The following ZMYND11 variants were observed in gnomAD, a reference collection of about 807,000 sequenced individuals.
ZMYND11 encodes the protein zinc finger MYND domain-containing protein 11.
A neutral mutation model predicts 84.9 loss-of-function variants in ZMYND11; 9 were observed. The observed-to-expected ratio is 0.11, with a 90% CI of 0.06 to 0.18. The LOEUF (loss-of-function observed/expected upper bound fraction) is 0.18, where lower values mean the gene tolerates loss of function less well. Ranked by LOEUF, ZMYND11 falls within the 10% of genes least tolerant of loss-of-function variation. The pLI is 1.00. For synonymous variants in ZMYND11, 250 were observed against 244.1 expected, an observed-to-expected ratio of 1.02 and a Z score of -0.23; for missense variants, 409 against 761.0, an observed-to-expected ratio of 0.54 and a Z score of 5.44.
intron 1 of ZMYND11, among the ~76,000 whole-genome samples, chr10:178,781 A>C (rs1847214539): frequency 6.6e-6 from 1 of 152,188 alleles, no homozygotes; most frequent in African/African-American, 2.4e-5. Context: ...ATGGTGGTGT[A>C]ATTCTGAAAG....
chr10:138,116 T>G (rs1047150013), intron 1 of ZMYND11, among the ~76,000 whole-genome samples: 3 of 150,814 alleles, frequency 2.0e-5, no homozygotes, highest in East Asian at 3.9e-4. Flanking sequence ...TGGCGTTTTT[T>G]TTTTTTTTTT....
At position 220,072 on chromosome 10, in the gene ZMYND11, G is replaced by A. The variant is rs1313250249; in HGVS notation, c.277-1123G>A. Among the ~76,000 whole-genome samples, 4 of 152,154 alleles carry A rather than the reference G, an allele frequency of 2.6e-5. No individual in the cohort carries two copies. In the South Asian group the frequency reaches 8.3e-4, roughly 32 times the overall value. On this transcript the variant is annotated intron_variant, in intron 3 of 14. Transcript: ENST00000381604. The stretch of plus-strand genomic sequence containing the variant: ...AACATGTTTGAACCTAGTTTCCAAA[G>A]AAGTTGCTGCTTATGGAGTGAGTGC...
intron 1 of ZMYND11, among the ~76,000 whole-genome samples, chr10:136,489 G>A (rs540772339): frequency 6.6e-6 from 1 of 152,118 alleles, no homozygotes; most frequent in African/African-American, 2.4e-5. Flanking sequence ...GAAGTACCCG[G>A]TGTCGTACCG....
intron 1 of ZMYND11, among the ~76,000 whole-genome samples, chr10:172,294 G>C (rs1845524264): frequency 6.6e-6 from 1 of 152,014 alleles, no homozygotes; most frequent in South Asian, 2.1e-4. Flanking sequence ...CAAATAGATT[G>C]GGAAAAAAGA....
intron 1 of ZMYND11, among the ~76,000 whole-genome samples, chr10:163,012 T>C (rs1432840364): frequency 6.6e-6 from 1 of 152,202 alleles, no homozygotes; most frequent in Non-Finnish European, 1.5e-5. Context: ...GGTTTTTCTT[T>C]CTCCTGATTT....
At chr10:195,650 A>T (rs1941559684) in intron 2 of ZMYND11, among the ~76,000 whole-genome samples, 1 of 152,228 alleles carries the variant, frequency 6.6e-6, no homozygotes, top group African/African-American at 2.4e-5. Context: ...AGGGATAGGC[A>T]TACATAGGGG....
intron 1 of ZMYND11, among the ~76,000 whole-genome samples, chr10:164,724 T>A (rs1169370235): frequency 1.3e-5 from 2 of 152,060 alleles, no homozygotes; most frequent in African/African-American, 2.4e-5. Flanking sequence ...AACTAGAAAT[T>A]GGAGAATGAC....
In ZMYND11 at chr10:151,227, C is replaced by T. The variant is rs183870808; in HGVS notation, c.-20+15668C>T. Among the ~76,000 whole-genome samples, 459 of 152,248 alleles carry T rather than the reference C, an allele frequency of 3.0e-3. No homozygotes were observed. In the Middle Eastern group the frequency reaches 0.031, roughly 10 times the overall value. On this transcript the variant is annotated intron_variant, in intron 1 of 14. Transcript: ENST00000381604. ...CAAAGCTGGATGGGAATGACTTTCA[C>T]GAGTTGAGAGAAGAAGGCTTCAGAC...
chr10:242,160 C>T (rs1354626306), intron 10 of ZMYND11, 21 bp downstream of exon 10: 1 of 1,613,560 alleles, frequency 6.2e-7, no homozygotes, highest in South Asian at 1.1e-5. Context: ...ATCCCATGTT[C>T]AGCGGTCACA....
chr10:232,441 A>G (rs1310050462), intron 4 of ZMYND11, among the ~76,000 whole-genome samples: 1 of 152,224 alleles, frequency 6.6e-6, no homozygotes, highest in Non-Finnish European at 1.5e-5. Flanking sequence ...CTTACAGCAA[A>G]TGTTTTGTTC....
At chr10:148,916 T>C (rs1206265165) in intron 1 of ZMYND11, among the ~76,000 whole-genome samples, 7 of 152,346 alleles carry the variant, frequency 4.6e-5, no homozygotes, top group Non-Finnish European at 7.3e-5. Context: ...TTCTTAAATA[T>C]ACATAATTTT....
At chr10:203,604 G>T (rs1293051594) in intron 2 of ZMYND11, among the ~76,000 whole-genome samples, 1 of 152,138 alleles carries the variant, frequency 6.6e-6, no homozygotes, top group African/African-American at 2.4e-5. Flanking sequence ...GTCTGAAAAA[G>T]AAGGAGAGGA....
chr10:143,130 A>G (rs891600145), intron 1 of ZMYND11, among the ~76,000 whole-genome samples: 1 of 152,256 alleles, frequency 6.6e-6, no homozygotes, highest in Non-Finnish European at 1.5e-5. Flanking sequence ...GGAAAGCTGT[A>G]TTAAATGCTA....
chr10:208,462 C>G (rs1432399636), intron 2 of ZMYND11, among the ~76,000 whole-genome samples: 1 of 152,076 alleles, frequency 6.6e-6, no homozygotes, highest in Non-Finnish European at 1.5e-5. Flanking sequence ...AACAAATAAC[C>G]CCAACAAAAA....
At chr10:193,239 A>G (rs1052319710) in intron 2 of ZMYND11, among the ~76,000 whole-genome samples, 1 of 152,050 alleles carries the variant, frequency 6.6e-6, no homozygotes, top group East Asian at 1.9e-4. Flanking sequence ...ACTTTACCTT[A>G]TTATCTTATG....
rs1490403002 is a variant in ZMYND11 at position 191,108 on chromosome 10, C to T, written c.116+10980C>T. Reference sequence around the variant, plus strand: ...GAAGGAGGGTTATAATAATTGATAACATTAAATAGTCATTATTTTGTGAAA... The same window carrying T: ...GAAGGAGGGTTATAATAATTGATAATATTAAATAGTCATTATTTTGTGAAA... On this transcript the variant is annotated intron_variant, in intron 2 of 14. Transcript: ENST00000381604. Among the ~76,000 whole-genome samples the T allele has an allele frequency of 3.3e-5, 5 of 152,074 alleles. No individual in the cohort carries two copies. The East Asian group carries it at 7.7e-4, about 23-fold the overall frequency.
At chr10:212,995 C>G (rs766675231) in intron 3 of ZMYND11, among the ~76,000 whole-genome samples, 2 of 152,118 alleles carry the variant, frequency 1.3e-5, no homozygotes, top group Non-Finnish European at 2.9e-5. Context: ...CCATGTGCCA[C>G]AATTTTCATG....
chr10:238,381 G>GAGTCTC (rs1950329032), intron 6 of ZMYND11, among the ~76,000 whole-genome samples: 1 of 151,688 alleles, frequency 6.6e-6, no homozygotes, highest in Non-Finnish European at 1.5e-5. Context: ...TTTTGAGACG[G>GAGTCTC]AGTCTCACTC....
At chr10:213,730 T>C (rs1945683740) in intron 3 of ZMYND11, among the ~76,000 whole-genome samples, 1 of 152,214 alleles carries the variant, frequency 6.6e-6, no homozygotes, top group Admixed American at 6.5e-5. Context: ...TCTGGACTCT[T>C]GTCTTCAATT....
Sources: allele counts gnomAD v4.1 joint callset (sites outside exome capture counted in the v4.1 genomes callset), GRCh38; gene constraint gnomAD v4.1.1; transcripts MANE v1.5; gene names NCBI Gene and HGNC (gene_info 2026-07-23, HGNC 2026-07-21).